Variants in TXNDC16 observed in about 807,000 individuals in gnomAD.
TXNDC16 encodes thioredoxin domain-containing protein 16.
TXNDC16 carries 74 observed loss-of-function variants against 85.6 expected under a neutral mutation model. The ratio of observed to expected loss-of-function variants is 0.86; its 90% CI spans 0.72 to 1.05. TXNDC16 has a LOEUF of 1.05. Ranked by LOEUF, TXNDC16 falls within the 50% of genes least tolerant of loss-of-function variation. The pLI is 0.00. For missense variants in TXNDC16, 959 were observed against 947.0 expected (o/e 1.01, Z -0.17); for synonymous variants, 335 against 326.5 (o/e 1.03, Z -0.28).
chr14:52,468,603 T>C (rs1482740742), intron 16 of TXNDC16, among the ~76,000 whole-genome samples: 3 of 152,194 alleles, frequency 2.0e-5, no homozygotes, highest in African/African-American at 7.2e-5. Context: ...AGTGGGCAAG[T>C]ACAGTGGCTC....
chr14:52,491,010 A>T lies in TXNDC16; in HGVS notation c.757-5T>A. On this transcript the variant is annotated splice_region_variant and splice_polypyrimidine_tract_variant and intron_variant, in intron 9 of 20. Transcript: ENST00000281741. ...AGGATCTTCAGCAACTTCAGTCTTC[A>T]TTGAAAAAAAAAAAAAAAAAAGGTG... is the stretch of plus-strand genomic sequence containing the variant. 7.4e-7 allele frequency: 1 copy of T among 1,355,898 alleles called. No homozygotes were observed. The highest frequency in any genetic ancestry group is 9.8e-7 in the Non-Finnish European group (1 of 1,018,248). 84.0% of individuals were successfully genotyped at this position (1,355,898 alleles called of 1,614,324 possible).
In TXNDC16 at chr14:52,490,892, T is replaced by A. The variant is rs759652855; in HGVS notation, c.870A>T (p.Ala290=). 17 of 1,613,480 alleles carry A rather than the reference T, an allele frequency of 1.1e-5. No homozygotes were observed. In the Admixed American group the frequency reaches 1.7e-4, roughly 16 times the overall value. The change falls in exon 10 of 21, where the codon GCA becomes GCT. Residue 290 remains alanine (A), a synonymous_variant. Transcript: ENST00000281741. ...CCAGAAGACGCCAAGCAACCCATTC[T>A]GCAGTTCTTCTATCAGCTTCATAAG... The part of the protein sequence containing the change: ...QATYEADRRT[A]EWVAWRLLGK...
In TXNDC16 at chr14:52,488,464, A is replaced by G. The variant is rs761885206; in HGVS notation, c.1007T>C (p.Val336Ala). The G allele has an allele frequency of 3.7e-5, 60 of 1,604,458 alleles. No individual in the cohort carries two copies. Among genetic ancestry groups the G allele is most frequent in the South Asian group, 1.7e-4 (15 of 90,388 alleles). The change falls in exon 12 of 21, where the codon GTA becomes GCA. Residue 336 changes from valine to alanine, a missense_variant. Val to Ala is a moderately conservative substitution (Grantham distance 64, BLOSUM62 0). Coordinates refer to ENST00000281741, the MANE Select transcript of TXNDC16 (RefSeq NM_020784.3). The part of the protein sequence containing the change: ...AEEGVPVEFL[V>A]LHDVDLIISH... ...TATTATTAAATCAACATCATGTAATACCAAAAATTCCACTGGAACTCCCTA... is the reference window on the plus strand; with the variant it reads ...TATTATTAAATCAACATCATGTAATGCCAAAAATTCCACTGGAACTCCCTA...
intron 18 of TXNDC16, among the ~76,000 whole-genome samples, chr14:52,441,243 T>C (rs1235672274): frequency 1.3e-5 from 2 of 152,240 alleles, no homozygotes; most frequent in Non-Finnish European, 2.9e-5. Flanking sequence ...TTGTTTCTTT[T>C]GAGTTTAAAA....
At position 52,501,038 on chromosome 14, in the gene TXNDC16, C is replaced by T. The variant is rs539797651; in HGVS notation, c.757-10033G>A. On this transcript the variant is annotated intron_variant, in intron 9 of 20. Transcript: ENST00000281741. ...AACAGGACAATAATTGAACCATTTT[C>T]CCATCTGTGTTCACTGTTGGGAACC... Among the ~76,000 whole-genome samples, 68 of 152,212 alleles carry T rather than the reference C, an allele frequency of 4.5e-4. 2 individuals are homozygous for T. In the South Asian group the frequency reaches 0.012, roughly 28 times the overall value.
chr14:52,501,638 G>A (rs571205612), intron 9 of TXNDC16, among the ~76,000 whole-genome samples: 8 of 152,190 alleles, frequency 5.3e-5, no homozygotes, highest in African/African-American at 9.6e-5. Flanking sequence ...CTATGAAGTC[G>A]GCTACTAATA....
At chr14:52,453,409 GATTTGGAAGC>G (rs2035457013) in intron 18 of TXNDC16, among the ~76,000 whole-genome samples, 1 of 152,140 alleles carries the variant, frequency 6.6e-6, no homozygotes, top group African/African-American at 2.4e-5. Context: ...TAACAGCCAA[GATTTGGAAGC>G]AACCTCAGGG....
intron 8 of TXNDC16, among the ~76,000 whole-genome samples, chr14:52,513,546 G>A (rs1230586010): frequency 6.6e-6 from 1 of 151,820 alleles, no homozygotes; most frequent in African/African-American, 2.4e-5. Flanking sequence ...AGGATAAGAA[G>A]ATAACTGTGC....
intron 12 of TXNDC16, among the ~76,000 whole-genome samples, chr14:52,487,419 A>G (rs901023027): frequency 6.6e-6 from 1 of 152,234 alleles, no homozygotes; most frequent in South Asian, 2.1e-4. Flanking sequence ...ATGGTACTAT[A>G]TAAAACATTC....
intron 7 of TXNDC16, among the ~76,000 whole-genome samples, chr14:52,516,640 C>A (rs1423514753): frequency 6.6e-6 from 1 of 152,134 alleles, no homozygotes; most frequent in Non-Finnish European, 1.5e-5. Flanking sequence ...TCCTTCAGTT[C>A]TGGGAAATTT....
chr14:52,538,127 C>T (rs1413053491), intron 4 of TXNDC16, among the ~76,000 whole-genome samples: 2 of 152,180 alleles, frequency 1.3e-5, no homozygotes, highest in African/African-American at 4.8e-5. Context: ...CCCAACCTCC[C>T]CAACAGCCTG....
chr14:52,522,885 T>C (rs2037241536), intron 6 of TXNDC16, among the ~76,000 whole-genome samples: 2 of 152,180 alleles, frequency 1.3e-5, no homozygotes, highest in Non-Finnish European at 2.9e-5. Context: ...AAAGCAGAAC[T>C]ATCATTAACC....
intron 11 of TXNDC16, among the ~76,000 whole-genome samples, chr14:52,489,408 T>C (rs995706545): frequency 6.6e-6 from 1 of 152,180 alleles, no homozygotes; most frequent in African/African-American, 2.4e-5. Flanking sequence ...AGCAAAGTGT[T>C]CTTGACTGTA....
chr14:52,440,954 G>T (rs1216011124), intron 18 of TXNDC16, among the ~76,000 whole-genome samples: 1 of 152,042 alleles, frequency 6.6e-6, no homozygotes, highest in Non-Finnish European at 1.5e-5. Context: ...CAGAATTTGA[G>T]AATAAATTAA....
chr14:52,545,136 C>G (rs1414443856), intron 1 of TXNDC16, among the ~76,000 whole-genome samples: 1 of 152,066 alleles, frequency 6.6e-6, no homozygotes, highest in Non-Finnish European at 1.5e-5. Context: ...GTGAAAGATT[C>G]CAGTATAGAA....
chr14:52,525,785 C>A (rs1013422392), intron 6 of TXNDC16, among the ~76,000 whole-genome samples: 22 of 150,548 alleles, frequency 1.5e-4, no homozygotes, highest in Admixed American at 1.1e-3. Flanking sequence ...TAAATACAAT[C>A]ATCTCTCAGT....
In TXNDC16 at chr14:52,432,056, T is replaced by C. The variant is rs1455535788; in HGVS notation, c.*248A>G. ...AAAAGGATGTAAAATATCTCATTAA[T>C]AATTTCTATATTTCGCTATTTTGGG... On this transcript the variant is annotated 3_prime_UTR_variant, in exon 21 of 21. Transcript: ENST00000281741. 1.9e-5 allele frequency: 6 copies of C among 315,470 alleles called. No individual in the cohort carries two copies. In the East Asian group the frequency reaches 2.9e-4, roughly 15 times the overall value. The allele number at this position is 315,470 out of a possible 1,614,324, so 19.5% of individuals were successfully genotyped here.
chr14:52,528,016 C>A (rs1014733837), intron 6 of TXNDC16, among the ~76,000 whole-genome samples: 1 of 151,972 alleles, frequency 6.6e-6, no homozygotes, highest in African/African-American at 2.4e-5. Flanking sequence ...ACATAATTGA[C>A]AATAATGGTC....
intron 1 of TXNDC16, among the ~76,000 whole-genome samples, chr14:52,547,137 T>G (rs991552012): frequency 2.6e-5 from 4 of 152,150 alleles, no homozygotes; most frequent in African/African-American, 9.7e-5. Flanking sequence ...TGTTCAAAAC[T>G]TAAAACAATC....
Sources: allele counts gnomAD v4.1 joint callset (sites outside exome capture counted in the v4.1 genomes callset), GRCh38; gene constraint gnomAD v4.1.1; transcripts MANE v1.5; gene names NCBI Gene and HGNC (gene_info 2026-07-23, HGNC 2026-07-21).